TIAM1: variants seen among roughly 807,000 people sequenced by gnomAD.
TIAM1 encodes the protein TIAM Rac1 associated GEF 1.
Under a neutral mutation model 163.5 loss-of-function variants are expected in TIAM1, and 65 were observed. That is an observed-to-expected ratio of 0.40 (90% CI 0.33 to 0.49). The LOEUF (loss-of-function observed/expected upper bound fraction) is 0.49, where lower values mean the gene tolerates loss of function less well. TIAM1 is among the 20% of genes least tolerant of loss of function. TIAM1 has a pLI of 0.77. For missense variants in TIAM1, 1,789 were observed against 2,044.7 expected (o/e 0.87, Z 2.41); for synonymous variants, 833 against 810.1 (o/e 1.03, Z -0.48).
At chr21:31,280,531 T>C (rs931007491) in intron 2 of TIAM1, among the ~76,000 whole-genome samples, 1 of 152,002 alleles carries the variant, frequency 6.6e-6, no homozygotes, top group Admixed American at 6.6e-5. Context: ...AATGGACTAA[T>C]ACAATCCTCA....
intron 2 of TIAM1, among the ~76,000 whole-genome samples, chr21:31,290,041 A>C (rs1002512981): frequency 6.6e-6 from 1 of 152,200 alleles, no homozygotes; most frequent in Admixed American, 6.5e-5. Context: ...GCCCACCCCG[A>C]AGAGTATGCC....
intron 2 of TIAM1, among the ~76,000 whole-genome samples, chr21:31,351,023 T>C (rs1385074521): frequency 2.0e-5 from 3 of 152,252 alleles, no homozygotes; most frequent in African/African-American, 7.2e-5. Flanking sequence ...TTGTGTTCCC[T>C]TCCACTAACA....
At chr21:31,403,314 A>T (rs991496235) in intron 2 of TIAM1, among the ~76,000 whole-genome samples, 3 of 151,974 alleles carry the variant, frequency 2.0e-5, no homozygotes, top group African/African-American at 7.3e-5. Flanking sequence ...CACCCGGCTA[A>T]TTTTTTGTAT....
At chr21:31,361,553 T>A (rs1602095114) in intron 2 of TIAM1, among the ~76,000 whole-genome samples, 1 of 152,176 alleles carries the variant, frequency 6.6e-6, no homozygotes, top group Admixed American at 6.5e-5. Context: ...TTTCACAATT[T>A]AAGAAGAGTT....
At chr21:31,516,689 G>A (rs1235168656) in intron 1 of TIAM1, among the ~76,000 whole-genome samples, 2 of 149,818 alleles carry the variant, frequency 1.3e-5, no homozygotes, top group Non-Finnish European at 3.0e-5. Context: ...AAAAAAAGAA[G>A]GAGAAGAAAA....
At chr21:31,302,098 G>C (rs1601885930) in intron 2 of TIAM1, among the ~76,000 whole-genome samples, 2 of 151,796 alleles carry the variant, frequency 1.3e-5, no homozygotes, top group East Asian at 3.9e-4. Flanking sequence ...TTAAATTACA[G>C]GGCCAGCCTG....
intron 2 of TIAM1, among the ~76,000 whole-genome samples, chr21:31,397,360 C>A (rs2077090667): frequency 6.6e-6 from 1 of 152,126 alleles, no homozygotes; most frequent in Admixed American, 6.5e-5. Context: ...CTTTTTGCAT[C>A]CAAAAGCTCT....
Position 31,154,266 on chromosome 21 carries a change from G to A in TIAM1, c.3152C>T (p.Thr1051Met), listed in dbSNP as rs2083510710. The change falls in exon 17 of 28, where the codon ACG (threonine) becomes ATG (methionine). Residue 1051 changes from threonine (T) to methionine (M), a missense_variant. Transcript: ENST00000541036. ...ACATACCTTCACGTAGGTGCGCTCC[G>A]TCTCCAGGAGCTCGCAGATCACCTT... ...LRKVICELLETERTYVKDLNC... is the reference protein window; with the variant it reads ...LRKVICELLEMERTYVKDLNC... The A allele has an allele frequency of 6.2e-7, 1 of 1,614,012 alleles. No homozygotes were observed. The highest frequency in any genetic ancestry group is 8.5e-7 in the Non-Finnish European group (1 of 1,179,992).
intron 2 of TIAM1, among the ~76,000 whole-genome samples, chr21:31,404,672 A>G (rs1167404334): frequency 6.6e-6 from 1 of 151,406 alleles, no homozygotes; most frequent in East Asian, 1.9e-4. Flanking sequence ...CCACCTATTT[A>G]TTGTCTGCAA....
chr21:31,393,247 T>C (rs1041933415), intron 2 of TIAM1, among the ~76,000 whole-genome samples: 3 of 152,348 alleles, frequency 2.0e-5, no homozygotes, highest in Non-Finnish European at 2.9e-5. Context: ...TGAGTTACTG[T>C]GCCCAGCCCT....
intron 2 of TIAM1, among the ~76,000 whole-genome samples, chr21:31,432,571 C>T (rs980314431): frequency 6.6e-6 from 1 of 152,068 alleles, no homozygotes; most frequent in Non-Finnish European, 1.5e-5. Flanking sequence ...TGTGAAAAAG[C>T]CATAGGAATG....
At chr21:31,430,927 C>T (rs2044005898) in intron 2 of TIAM1, among the ~76,000 whole-genome samples, 1 of 152,116 alleles carries the variant, frequency 6.6e-6, no homozygotes, top group South Asian at 2.1e-4. Context: ...AGAAGAAAAG[C>T]CAAACTTCTT....
At chr21:31,441,366 C>G (rs1035882751) in intron 2 of TIAM1, among the ~76,000 whole-genome samples, 8 of 152,160 alleles carry the variant, frequency 5.3e-5, no homozygotes, top group Non-Finnish European at 1.0e-4. Flanking sequence ...CAAACTCATT[C>G]CTTCTTAAAT....
intron 19 of TIAM1, among the ~76,000 whole-genome samples, chr21:31,152,302 G>A (rs1017366082): frequency 3.1e-4 from 47 of 152,134 alleles, no homozygotes; most frequent in Admixed American, 3.3e-4. Context: ...CAAAGTGCTG[G>A]GATTACAGGC....
At chr21:31,456,120 C>A in intron 2 of TIAM1, among the ~76,000 whole-genome samples, 1 of 152,152 alleles carries the variant, frequency 6.6e-6, no homozygotes, top group Admixed American at 6.5e-5. Flanking sequence ...TCAAGTGGTT[C>A]CAGAAGGGGG....
intron 1 of TIAM1, among the ~76,000 whole-genome samples, chr21:31,531,038 G>GA (rs1241976318): frequency 6.6e-6 from 1 of 152,090 alleles, no homozygotes; most frequent in Non-Finnish European, 1.5e-5. Context: ...TTTCCAAGCA[G>GA]AATCTCATCT....
At chr21:31,329,575 T>C (rs1237352168) in intron 2 of TIAM1, among the ~76,000 whole-genome samples, 1 of 152,138 alleles carries the variant, frequency 6.6e-6, no homozygotes, top group Non-Finnish European at 1.5e-5. Context: ...ATGAATCAGC[T>C]CACCAGAAAA....
At chr21:31,460,400 G>A (rs1225929922) in intron 2 of TIAM1, among the ~76,000 whole-genome samples, 1 of 152,196 alleles carries the variant, frequency 6.6e-6, no homozygotes, top group East Asian at 1.9e-4. Context: ...GCTGAGGCGG[G>A]TGGATCACTT....
chr21:31,353,466 A>C (rs1404427816), intron 2 of TIAM1, among the ~76,000 whole-genome samples: 1 of 152,134 alleles, frequency 6.6e-6, no homozygotes, highest in East Asian at 1.9e-4. Context: ...TTCCCTCATA[A>C]AACTATGTGA....
Sources: allele counts gnomAD v4.1 joint callset (sites outside exome capture counted in the v4.1 genomes callset), GRCh38; gene constraint gnomAD v4.1.1; transcripts MANE v1.5; gene names NCBI Gene and HGNC (gene_info 2026-07-23, HGNC 2026-07-21).